The following SLC38A8 variants were observed in gnomAD, a reference collection of about 807,000 sequenced individuals.
SLC38A8 encodes the protein solute carrier family 38 member 8, also known as amino acid transporter SLC38A8.
A neutral mutation model predicts 46.0 loss-of-function variants in SLC38A8; 65 were observed. The observed-to-expected ratio is 1.41, with a 90% CI of 1.16 to 1.74. SLC38A8 has a LOEUF of 1.74. Ranked by LOEUF, SLC38A8 falls within the 40% of genes most tolerant of loss-of-function variation. The pLI is 0.00. For synonymous variants in SLC38A8, 447 were observed against 243.7 expected (o/e 1.83, Z -7.77); for missense variants, 998 against 567.9 (o/e 1.76, Z -7.70).
intron 4 of SLC38A8, among the ~76,000 whole-genome samples, chr16:84,032,222 T>G (rs2085249307): frequency 6.6e-6 from 1 of 152,164 alleles, no homozygotes; most frequent in Admixed American, 6.5e-5. Flanking sequence ...GGAGTCTCGC[T>G]CTGTTGCCCA....
intron 2 of SLC38A8, among the ~76,000 whole-genome samples, chr16:84,038,837 G>T (rs961917452): frequency 1.3e-5 from 2 of 152,304 alleles, no homozygotes; most frequent in Non-Finnish European, 1.5e-5. Context: ...GGGCGCACAG[G>T]CAGCTTGCTT....
intron 9 of SLC38A8, among the ~76,000 whole-genome samples, 153 bp from the exon 10 acceptor site, chr16:84,013,205 G>T (rs889178841): frequency 6.6e-6 from 1 of 152,198 alleles, no homozygotes. Flanking sequence ...CAACACAGTG[G>T]AGCTGGAAGG....
At chr16:84,034,919 G>T (rs368882752) in intron 3 of SLC38A8, among the ~76,000 whole-genome samples, 3 of 152,282 alleles carry the variant, frequency 2.0e-5, no homozygotes, top group East Asian at 3.9e-4. Context: ...GGATGCTTGA[G>T]ATCTTTGGCA....
chr16:84,022,892 G>A lies in SLC38A8; in HGVS notation c.691-3C>T, dbSNP rs759010564. 3.2e-6 allele frequency: 5 copies of A among 1,586,994 alleles called. 1 individual carries two copies. The South Asian group carries it at 4.6e-5, about 15-fold the overall frequency. On this transcript the variant is annotated splice_region_variant and splice_polypyrimidine_tract_variant and intron_variant, in intron 6 of 10. Coordinates refer to ENST00000299709, the MANE Select transcript of SLC38A8 (RefSeq NM_001080442.3). ...ATGGAGACGGCAGCTTCGTGACACT[G>A]TAAGACAGAGGGCGGCTCAGCAGGA...
chr16:84,012,291 C>G (rs1464198647), intron 10 of SLC38A8, among the ~76,000 whole-genome samples: 3 of 152,232 alleles, frequency 2.0e-5, no homozygotes, highest in African/African-American at 7.2e-5. Context: ...ACATCGTCCT[C>G]TTCCGTGGGT....
At chr16:84,027,615 T>G (rs144789744) in intron 6 of SLC38A8, among the ~76,000 whole-genome samples, 1 of 152,216 alleles carries the variant, frequency 6.6e-6, no homozygotes, top group Non-Finnish European at 1.5e-5. Context: ...CCCAGCACCT[T>G]CAGTTACATT....
chr16:84,041,770 C>G (rs573572980), intron 2 of SLC38A8, among the ~76,000 whole-genome samples, 199 bp downstream of exon 2: 9 of 152,190 alleles, frequency 5.9e-5, no homozygotes, highest in Non-Finnish European at 1.0e-4. Context: ...ATGCCACCAG[C>G]GCCCACGGGG....
chr16:84,022,916 G>C lies in SLC38A8; in HGVS notation c.691-27C>G, dbSNP rs201647496. The C allele has an allele frequency of 3.6e-4, 548 of 1,521,208 alleles. 1 individual carries two copies. The African/African-American group carries it at 6.9e-3, about 19-fold the overall frequency. The allele number at this position is 1,521,208 out of a possible 1,614,324, so 94.2% of individuals were successfully genotyped here. On this transcript the variant is annotated intron_variant, in intron 6 of 10. Transcript: ENST00000299709. ...TGTAAGACAGAGGGCGGCTCAGCAG[G>C]ATGCTGGCTTCCCCTGGAACAGGCG...
chr16:84,029,324 G>T (rs532154020), intron 6 of SLC38A8, among the ~76,000 whole-genome samples, 170 bp downstream of exon 6: 8 of 152,330 alleles, frequency 5.3e-5, no homozygotes, highest in African/African-American at 1.9e-4. Flanking sequence ...CATCCTCATG[G>T]TCTGGAATGA....
At chr16:84,011,445 G>T (rs2084951799) in intron 10 of SLC38A8, among the ~76,000 whole-genome samples, 2 of 152,298 alleles carry the variant, frequency 1.3e-5, no homozygotes, top group African/African-American at 4.8e-5. Flanking sequence ...ACCGGGCCAG[G>T]CCTGCTCCTT....
intron 9 of SLC38A8, among the ~76,000 whole-genome samples, chr16:84,014,197 G>A (rs1430836937): frequency 6.6e-6 from 1 of 151,616 alleles, no homozygotes; most frequent in African/African-American, 2.4e-5. Flanking sequence ...CAGAGCCAAG[G>A]GAGGAGCTGT....
intron 3 of SLC38A8, among the ~76,000 whole-genome samples, chr16:84,034,738 G>T (rs1230066620): frequency 3.9e-5 from 6 of 152,148 alleles, no homozygotes; most frequent in Non-Finnish European, 2.9e-5. Context: ...GAGCCGAGAT[G>T]CCAAGGGACT....
At chr16:84,031,826 C>T (rs888540328) in intron 5 of SLC38A8, 41 bp downstream of exon 5, 4 of 1,572,012 alleles carry the variant, frequency 2.5e-6, no homozygotes, top group Admixed American at 3.3e-5. Flanking sequence ...CCTGCCGTGC[C>T]TCCCCGCCGA....
At chr16:84,020,145 T>G (rs1487680624) in intron 7 of SLC38A8, among the ~76,000 whole-genome samples, 8 of 151,428 alleles carry the variant, frequency 5.3e-5, no homozygotes, top group South Asian at 2.1e-4. Context: ...TCCGTTGTTT[T>G]TTTTTTTTTT....
chr16:84,024,076 G>A (rs369002899), intron 6 of SLC38A8, among the ~76,000 whole-genome samples: 57 of 152,238 alleles, frequency 3.7e-4, no homozygotes, highest in African/African-American at 9.1e-4. Flanking sequence ...GTCCCTGGCC[G>A]GGACCTACTA....
chr16:84,012,805 G>A (rs569246606), intron 10 of SLC38A8, among the ~76,000 whole-genome samples, 196 bp downstream of exon 10: 10 of 152,316 alleles, frequency 6.6e-5, no homozygotes, highest in Admixed American at 2.0e-4. Flanking sequence ...TGGAGGACCC[G>A]GTGTTACTGG....
chr16:84,020,724 C>T (rs1021748299), intron 7 of SLC38A8, among the ~76,000 whole-genome samples: 1 of 152,204 alleles, frequency 6.6e-6, no homozygotes. Context: ...CCCTTGAGGC[C>T]TCTGAGCCTG....
rs772322616 is a variant in SLC38A8 at position 84,009,745 on chromosome 16, C to T, written c.*39G>A. 3 of 1,582,184 alleles carry T rather than the reference C, an allele frequency of 1.9e-6. No homozygotes were observed. The highest frequency in any genetic ancestry group is 1.7e-6 in the Non-Finnish European group (2 of 1,157,852). ...GCATACAGCAGCCACGTAGGGTCAG[C>T]CCCCGGAGGGCCCCTTCCTGCCCGG... On this transcript the variant is annotated 3_prime_UTR_variant, in exon 11 of 11. Transcript: ENST00000299709.
rs757219619 is a variant in SLC38A8, at chr16:84,036,807, G to A, written c.283C>T (p.Leu95=). 5 of 1,613,972 alleles carry A rather than the reference G, an allele frequency of 3.1e-6. No homozygotes were observed. Among genetic ancestry groups the A allele is most frequent in the South Asian group, 2.2e-5 (2 of 91,080 alleles). The part of the protein sequence containing the change: ...QATYQGVVRG[L]CGPAIGKLCE... ...AGCTTCCCAATGGCAGGGCCACACA[G>A]CCCCCTGACCACACCCTGGTAGGTG... Residue 95 remains leucine (L), a synonymous_variant, in exon 3 of 11, where the codon CTG becomes TTG. Transcript: ENST00000299709.
Sources: gnomAD v4.1 joint callset for allele counts (sites outside exome capture counted in the v4.1 genomes callset) on GRCh38, gnomAD v4.1.1 for gene constraint, MANE v1.5 for transcripts, NCBI Gene and HGNC (gene_info 2026-07-23, HGNC 2026-07-21) for gene names.